Variants in BCKDHB observed in about 807,000 individuals in gnomAD.
BCKDHB encodes branched chain keto acid dehydrogenase E1 subunit beta.
A neutral mutation model predicts 48.5 loss-of-function variants in BCKDHB; 41 were observed. The observed-to-expected ratio is 0.85, with a 90% CI of 0.66 to 1.10. The LOEUF is 1.10. Among genes scored for constraint, BCKDHB ranks in the 50% least tolerant of loss-of-function variants. The pLI, the probability that BCKDHB is intolerant of heterozygous loss-of-function variation, is 0.00. For synonymous variants in BCKDHB, 201 were observed against 174.8 expected (o/e 1.15, Z -1.18); for missense variants, 496 against 494.2 (o/e 1.00, Z -0.03).
chr6:80,107,069 G>GTT (rs1483218344), intron 1 of BCKDHB, among the ~76,000 whole-genome samples, 180 bp downstream of exon 1: 1 of 151,760 alleles, frequency 6.6e-6, no homozygotes, highest in East Asian at 2.0e-4. Flanking sequence ...CTCTATTTTT[G>GTT]TGACTGTTCA....
chr6:80,206,569 A>T (rs1774672937), intron 8 of BCKDHB, among the ~76,000 whole-genome samples: 1 of 144,398 alleles, frequency 6.9e-6, no homozygotes, highest in East Asian at 2.0e-4. Flanking sequence ...GTGTGTGTGT[A>T]CATGTATGTA....
At chr6:80,146,706 A>G (rs942545263) in intron 3 of BCKDHB, among the ~76,000 whole-genome samples, 1 of 152,168 alleles carries the variant, frequency 6.6e-6, no homozygotes, top group African/African-American at 2.4e-5. Context: ...AACATCAAGT[A>G]CTTCTGGGAA....
At chr6:80,387,814 T>C in the BCKDHB span, among the ~76,000 whole-genome samples, 1 of 152,248 alleles carries the variant, frequency 6.6e-6, no homozygotes, top group Non-Finnish European at 1.5e-5. Flanking sequence ...GCTTTTCACT[T>C]CTGCAAGATA....
the BCKDHB span, among the ~76,000 whole-genome samples, chr6:80,447,492 T>C: frequency 6.8e-6 from 1 of 146,658 alleles, no homozygotes; most frequent in African/African-American, 2.6e-5. Context: ...ATATACTATT[T>C]ATATATATAT....
chr6:80,172,360 A>G (rs1182254760), intron 6 of BCKDHB, among the ~76,000 whole-genome samples: 1 of 152,100 alleles, frequency 6.6e-6, no homozygotes, highest in Non-Finnish European at 1.5e-5. Flanking sequence ...TATTACAATA[A>G]TATCTTACAA....
chr6:80,434,181 A>G, the BCKDHB span, among the ~76,000 whole-genome samples: 2 of 152,008 alleles, frequency 1.3e-5, no homozygotes, highest in South Asian at 4.1e-4. Context: ...ATCACACTTG[A>G]TATATTTTAT....
chr6:80,131,212 G>C (rs1770615653), intron 3 of BCKDHB, among the ~76,000 whole-genome samples: 1 of 152,152 alleles, frequency 6.6e-6, no homozygotes, highest in Non-Finnish European at 1.5e-5. Flanking sequence ...CTGAGCTTCA[G>C]ATCTGTGTAT....
rs60116640 is a variant in BCKDHB at position 80,128,872 on chromosome 6, C to CTG, written c.275-254_275-253dup. Among the ~76,000 whole-genome samples the CTG allele has an allele frequency of 0.049, 7,257 of 147,440 alleles. 411 individuals carry two copies. Among genetic ancestry groups the CTG allele is most frequent in the African/African-American group, 0.15 (5,845 of 40,028 alleles). ...GTGAAGACACTTTTTGTTGTCTCAA[C>CTG]TGTGTGTGTGTGTGTGTGTGTGTGT... On this transcript the variant is annotated intron_variant, in intron 2 of 9. Coordinates refer to ENST00000320393, the MANE Select transcript of BCKDHB (RefSeq NM_183050.4).
chr6:80,210,135 CAAAA>C (rs61476553), intron 8 of BCKDHB, among the ~76,000 whole-genome samples: 183 of 112,970 alleles, frequency 1.6e-3, no homozygotes, highest in East Asian at 3.2e-3. Flanking sequence ...AAGAAATATA[CAAAA>C]AAAAAAAAAA....
intron 9 of BCKDHB, among the ~76,000 whole-genome samples, chr6:80,331,674 G>A (rs1744915650): frequency 6.6e-6 from 1 of 152,156 alleles, no homozygotes; most frequent in African/African-American, 2.4e-5. Context: ...ATCACTCACA[G>A]CGCAGGTTGA....
intron 6 of BCKDHB, among the ~76,000 whole-genome samples, chr6:80,199,445 G>GT (rs755819078): frequency 1.3e-5 from 2 of 152,038 alleles, no homozygotes; most frequent in Non-Finnish European, 2.9e-5. Context: ...GGGAACAACA[G>GT]TTTTTTCCAG....
the BCKDHB span, among the ~76,000 whole-genome samples, chr6:80,431,545 T>C: frequency 6.6e-6 from 1 of 152,236 alleles, no homozygotes; most frequent in South Asian, 2.1e-4. Flanking sequence ...TACCTCTTCT[T>C]GTTAAATTGC....
At chr6:80,166,078 C>T (rs576452386) in intron 3 of BCKDHB, among the ~76,000 whole-genome samples, 1 of 152,192 alleles carries the variant, frequency 6.6e-6, no homozygotes, top group Non-Finnish European at 1.5e-5. Flanking sequence ...TTATGAACGT[C>T]ATGGTCATCC....
chr6:80,404,513 CA>C, the BCKDHB span, among the ~76,000 whole-genome samples: 1 of 151,764 alleles, frequency 6.6e-6, no homozygotes, highest in African/African-American at 2.4e-5. Flanking sequence ...TTTCAAAAAA[CA>C]AAGTATTAGT....
the BCKDHB span, among the ~76,000 whole-genome samples, chr6:80,406,885 C>T: frequency 3.9e-4 from 59 of 152,274 alleles, no homozygotes; most frequent in African/African-American, 1.4e-3. Flanking sequence ...TCTATTTTGG[C>T]TTTTGTTGCT....
At chr6:80,191,819 C>G (rs1389167464) in intron 6 of BCKDHB, among the ~76,000 whole-genome samples, 1 of 152,120 alleles carries the variant, frequency 6.6e-6, no homozygotes, top group Non-Finnish European at 1.5e-5. Flanking sequence ...AGTTTAACAA[C>G]CCTTGGAAGC....
chr6:80,156,847 C>T (rs186790354), intron 3 of BCKDHB, among the ~76,000 whole-genome samples: 39 of 152,188 alleles, frequency 2.6e-4, no homozygotes, highest in Non-Finnish European at 4.3e-4. Flanking sequence ...AGCAGAAAAC[C>T]GTTGTTCATT....
chr6:80,164,314 C>A (rs911284194), intron 3 of BCKDHB, among the ~76,000 whole-genome samples: 2 of 152,194 alleles, frequency 1.3e-5, no homozygotes, highest in Middle Eastern at 3.4e-3. Flanking sequence ...ATTTTCTTAC[C>A]CCATGGTTTT....
intron 6 of BCKDHB, among the ~76,000 whole-genome samples, chr6:80,191,611 G>A (rs774277780): frequency 2.0e-5 from 3 of 152,194 alleles, no homozygotes; most frequent in Non-Finnish European, 4.4e-5. Flanking sequence ...ACAGTAGCAT[G>A]TTGCAGTCAT....
Sources: allele counts gnomAD v4.1 joint callset (sites outside exome capture counted in the v4.1 genomes callset), GRCh38; gene constraint gnomAD v4.1.1; transcripts MANE v1.5; gene names NCBI Gene and HGNC (gene_info 2026-07-23, HGNC 2026-07-21).